Variants in ASPRV1 observed in about 807,000 individuals in gnomAD.
The protein encoded by ASPRV1 is aspartic peptidase retroviral like 1, also known as retroviral-like aspartic protease 1.
Under a neutral mutation model 11.0 loss-of-function variants are expected in ASPRV1, and 7 were observed. The observed-to-expected ratio is 0.64, with a 90% CI of 0.36 to 1.20. The LOEUF is 1.20. Ranked by LOEUF, ASPRV1 falls within the 50% of genes most tolerant of loss-of-function variation. ASPRV1 has a pLI of 0.02. For synonymous variants in ASPRV1, 136 were observed against 138.4 expected, an observed-to-expected ratio of 0.98 and a Z score of 0.12; for missense variants, 299 against 320.0, an observed-to-expected ratio of 0.93 and a Z score of 0.50.
At chr2:70,013,558 CA>C in the ASPRV1 span, among the ~76,000 whole-genome samples, 1 of 152,166 alleles carries the variant, frequency 6.6e-6, no homozygotes, top group Non-Finnish European at 1.5e-5. Context: ...CTATTATCTA[CA>C]TTTTTTTGTT....
the ASPRV1 span, among the ~76,000 whole-genome samples, chr2:70,017,335 A>G: frequency 6.6e-6 from 1 of 152,202 alleles, no homozygotes; most frequent in Non-Finnish European, 1.5e-5. Flanking sequence ...AAAATTAAAC[A>G]TCCTTTCATG....
At chr2:70,033,924 G>A in the ASPRV1 span, among the ~76,000 whole-genome samples, 50 of 152,052 alleles carry the variant, frequency 3.3e-4, no homozygotes, top group Non-Finnish European at 6.9e-4. Flanking sequence ...GGAGGCCGAG[G>A]CGGGCAGATC....
the ASPRV1 span, among the ~76,000 whole-genome samples, chr2:70,044,879 C>T: frequency 6.6e-6 from 1 of 152,216 alleles, no homozygotes; most frequent in African/African-American, 2.4e-5. Context: ...TCACACCTGA[C>T]TTTGTGAGCC....
chr2:69,942,902 G>A, the ASPRV1 span: 2 of 152,126 alleles, frequency 1.3e-5, no homozygotes, highest in Non-Finnish European at 1.5e-5. Context: ...AAACTGTATT[G>A]TTCAACTGTT....
the ASPRV1 span, among the ~76,000 whole-genome samples, chr2:69,945,651 C>T: frequency 2.8e-4 from 42 of 152,308 alleles, no homozygotes; most frequent in African/African-American, 8.7e-4. Context: ...GGAGCCTCCC[C>T]GGCTGTGGGT....
upstream of ASPRV1, chr2:69,962,006 C>T: frequency 3.2e-6 from 1 of 311,710 alleles, no homozygotes; most frequent in South Asian, 9.2e-5. Flanking sequence ...GCCTCCCCAA[C>T]AAGTGACTAC....
chr2:70,083,185 C>T, the ASPRV1 span, among the ~76,000 whole-genome samples: 1 of 152,190 alleles, frequency 6.6e-6, no homozygotes, highest in African/African-American at 2.4e-5. Context: ...CTATCCCACA[C>T]ATCAAAGTCC....
chr2:69,995,015 A>G, the ASPRV1 span, among the ~76,000 whole-genome samples: 5 of 150,998 alleles, frequency 3.3e-5, no homozygotes, highest in African/African-American at 1.2e-4. Context: ...AAATAAATAA[A>G]TAAATTAATT....
At chr2:69,942,850 G>A in the ASPRV1 span, 1 of 152,024 alleles carries the variant, frequency 6.6e-6, no homozygotes, top group South Asian at 2.1e-4. Flanking sequence ...TGCATTTTTA[G>A]AAACTACTAC....
chr2:70,070,810 G>GAAAAAAAAAAAAAAAAAAAAAAAA, the ASPRV1 span: 1 of 143,938 alleles, frequency 6.9e-6, no homozygotes. Context: ...AAAAAAAAAG[G>GAAAAAAAAAAAAAAAAAAAAAAAA]AAATGTCCCA....
chr2:70,069,019 G>A, the ASPRV1 span: 1 of 150,816 alleles, frequency 6.6e-6, no homozygotes, highest in African/African-American at 2.4e-5. Context: ...GCAGCTTTCT[G>A]GTGATTGTAC....
chr2:69,967,892 C>T, the ASPRV1 span, among the ~76,000 whole-genome samples: 1 of 151,824 alleles, frequency 6.6e-6, no homozygotes, highest in South Asian at 2.1e-4. Flanking sequence ...ACCAGCCTGG[C>T]CAACATGGTG....
the ASPRV1 span, chr2:70,032,335 C>T: frequency 6.6e-6 from 1 of 152,172 alleles, no homozygotes; most frequent in South Asian, 2.1e-4. Context: ...GCTCAGACAC[C>T]TTGGCTTAGG....
At chr2:69,959,865 A>C (rs373950274), downstream of ASPRV1, among the ~76,000 whole-genome samples, 2 of 152,238 alleles carry the variant, frequency 1.3e-5, no homozygotes, top group Non-Finnish European at 1.5e-5. Flanking sequence ...ACAGATTGAA[A>C]TAAGTAGAGG....
At chr2:69,959,698 G>A (rs1280840150), downstream of ASPRV1, among the ~76,000 whole-genome samples, 1 of 152,142 alleles carries the variant, frequency 6.6e-6, no homozygotes, top group Non-Finnish European at 1.5e-5. Flanking sequence ...CTGCCTCCAA[G>A]TTCTCGCTCC....
chr2:70,074,806 G>C, the ASPRV1 span, among the ~76,000 whole-genome samples: 1 of 151,338 alleles, frequency 6.6e-6, no homozygotes, highest in Non-Finnish European at 1.5e-5. Flanking sequence ...ACAAGCAGTA[G>C]AGTGCAGAGG....
the ASPRV1 span, among the ~76,000 whole-genome samples, chr2:70,010,192 C>A: frequency 1.3e-4 from 20 of 152,030 alleles, no homozygotes; most frequent in Admixed American, 5.2e-4. Flanking sequence ...AGACAGGGGT[C>A]TAGTTCCCAC....
At position 69,960,577 on chromosome 2, in the gene ASPRV1, C is replaced by A; in HGVS notation, c.*80G>T. 4.9e-6 allele frequency: 7 copies of A among 1,427,550 alleles called. No homozygotes were observed. The highest frequency in any genetic ancestry group is 1.3e-5 in the South Asian group (1 of 77,968). 88.4% of individuals were successfully genotyped at this position (1,427,550 alleles called of 1,614,324 possible). A position where few individuals can be genotyped will look rare whatever the true frequency, so the allele number is the denominator to read the frequency against. Reference sequence around the variant, plus strand: ...TAAGCAGACTGGCCAAGCCCAGTGACCCCCATGAGGATATGCAACCCCCCC... The same window carrying A: ...TAAGCAGACTGGCCAAGCCCAGTGAACCCCATGAGGATATGCAACCCCCCC... On this transcript the variant is annotated 3_prime_UTR_variant, in exon 1 of 1. Transcript: ENST00000320256.
chr2:70,066,184 GGAGACA>G, the ASPRV1 span, among the ~76,000 whole-genome samples: 1 of 152,040 alleles, frequency 6.6e-6, no homozygotes, highest in African/African-American at 2.4e-5. Flanking sequence ...CTCAAGCCCA[GGAGACA>G]GAGACTCTGT....
Sources: allele counts gnomAD v4.1 joint callset (sites outside exome capture counted in the v4.1 genomes callset), GRCh38; gene constraint gnomAD v4.1.1; transcripts MANE v1.5; gene names NCBI Gene and HGNC (gene_info 2026-07-23, HGNC 2026-07-21).